The following LRRC4C variants were observed in gnomAD, a reference collection of about 807,000 sequenced individuals.
LRRC4C encodes the protein leucine rich repeat containing 4C.
LRRC4C carries 5 observed loss-of-function variants against 33.6 expected under a neutral mutation model. The ratio of observed to expected loss-of-function variants is 0.15; its 90% confidence interval spans 0.08 to 0.31. The LOEUF (loss-of-function observed/expected upper bound fraction) is 0.31, where lower values mean the gene tolerates loss of function less well. LRRC4C is among the 10% of genes least tolerant of loss of function. The probability of loss-of-function intolerance (pLI) is 1.00; values close to 1 mark genes in which losing one functional copy is unlikely to be tolerated. For missense variants in LRRC4C, 560 were observed against 796.7 expected, an observed-to-expected ratio of 0.70 and a Z score of 3.58; for synonymous variants, 329 against 302.0, an observed-to-expected ratio of 1.09 and a Z score of -0.93.
At chr11:40,353,835 A>G (rs1028782069) in intron 3 of LRRC4C, among the ~76,000 whole-genome samples, 4 of 152,156 alleles carry the variant, frequency 2.6e-5, no homozygotes, top group African/African-American at 7.2e-5. Flanking sequence ...CTGTCATACC[A>G]GGTTAGGTCA....
chr11:40,377,220 C>T (rs531702820), intron 3 of LRRC4C, among the ~76,000 whole-genome samples: 1 of 152,230 alleles, frequency 6.6e-6, no homozygotes, highest in East Asian at 1.9e-4. Context: ...TCTCATGACA[C>T]ACAATGATTA....
chr11:41,015,231 T>C (rs1166088515), intron 1 of LRRC4C, among the ~76,000 whole-genome samples: 24 of 152,220 alleles, frequency 1.6e-4, no homozygotes. Context: ...ATCACACTAT[T>C]ATATTTTACT....
At chr11:40,817,949 CAA>C (rs999394875) in intron 2 of LRRC4C, among the ~76,000 whole-genome samples, 1 of 152,046 alleles carries the variant, frequency 6.6e-6, no homozygotes, top group African/African-American at 2.4e-5. Context: ...GCAATTCACC[CAA>C]GTTAATTATG....
intron 1 of LRRC4C, among the ~76,000 whole-genome samples, chr11:41,176,532 T>C (rs112206230): frequency 7.9e-5 from 12 of 152,280 alleles, no homozygotes; most frequent in East Asian, 3.9e-4. Flanking sequence ...ACATGGTATA[T>C]ATAGCAGTGA....
At chr11:41,228,082 G>T (rs1947622005) in intron 1 of LRRC4C, among the ~76,000 whole-genome samples, 1 of 151,706 alleles carries the variant, frequency 6.6e-6, no homozygotes, top group African/African-American at 2.4e-5. Context: ...AAACTACCAA[G>T]AAATTAGTAG....
At chr11:40,865,511 GTATA>G (rs68153820) in intron 2 of LRRC4C, among the ~76,000 whole-genome samples, 92 of 146,708 alleles carry the variant, frequency 6.3e-4, no homozygotes, top group Non-Finnish European at 5.1e-4. Flanking sequence ...TCCACAGTGT[GTATA>G]TATATATATA....
chr11:40,587,409 T>C (rs1438261948), intron 3 of LRRC4C, among the ~76,000 whole-genome samples: 1 of 148,652 alleles, frequency 6.7e-6, no homozygotes, highest in African/African-American at 2.5e-5. Flanking sequence ...TATACAATCA[T>C]GTCGTCTGCA....
Position 40,254,350 on chromosome 11 carries a change from A to G in LRRC4C, c.-175-12752T>C, listed in dbSNP as rs557659977. On this transcript the variant is annotated intron_variant, in intron 4 of 6. Coordinates refer to ENST00000528697, the MANE Select transcript of LRRC4C (RefSeq NM_001258419.2). ...ATGAGGGAACTCAGGATCTGAATAA[A>G]GCATGGTGATGCCATAGATTGTGGA... 7.9e-5 allele frequency among the ~76,000 whole-genome samples: 12 copies of G among 152,356 alleles called. No individual in the cohort carries two copies. The South Asian group carries it at 2.5e-3, about 32-fold the overall frequency.
chr11:40,792,752 G>A (rs558206532), intron 2 of LRRC4C, among the ~76,000 whole-genome samples: 14 of 152,166 alleles, frequency 9.2e-5, no homozygotes, highest in Admixed American at 5.9e-4. Context: ...GTCCAACAAT[G>A]ATAGACTGGA....
intron 3 of LRRC4C, among the ~76,000 whole-genome samples, chr11:40,606,183 TGGCAAATTCTAGAAGCCTA>T (rs997843328): frequency 2.0e-5 from 3 of 152,180 alleles, no homozygotes; most frequent in African/African-American, 7.2e-5. Context: ...TAATGAAGCT[TGGCAAATTCTAGAAGCCTA>T]GGAGTTAGTG....
At position 40,114,563 on chromosome 11, in the gene LRRC4C, C is replaced by T. The variant is rs745382891; in HGVS notation, c.1730G>A (p.Gly577Glu). Residue 577 changes from glycine to glutamate, a missense_variant, in exon 7 of 7, where the codon GGA (glycine) becomes GAA (glutamate). Gly to Glu is a moderately conservative substitution (Grantham distance 98). This residue lies in a region of LRRC4C where 103 missense variants were observed against 132.1 expected (regional missense o/e 0.78). Coordinates refer to ENST00000528697, the MANE Select transcript of LRRC4C (RefSeq NM_001258419.2). ...CAGGTGGCTTTCCATGGGTGTGTCT[C>T]CCGTAATCTCATCATCCACATTAAT... The part of the protein sequence containing the change: ...EIINVDDEIT[G>E]DTPMESHLPM... 3 of 1,614,068 alleles carry T rather than the reference C, an allele frequency of 1.9e-6. No individual in the cohort carries two copies. The South Asian group carries it at 3.3e-5, about 18-fold the overall frequency.
At chr11:41,352,094 G>A (rs1280793973) in intron 1 of LRRC4C, among the ~76,000 whole-genome samples, 1 of 152,140 alleles carries the variant, frequency 6.6e-6, no homozygotes, top group African/African-American at 2.4e-5. Context: ...GAAGCAAGAT[G>A]TAACGACATG....
intron 3 of LRRC4C, among the ~76,000 whole-genome samples, chr11:40,386,744 C>T (rs561354549): frequency 2.0e-5 from 3 of 152,000 alleles, no homozygotes; most frequent in Non-Finnish European, 2.9e-5. Context: ...TAGGCTCTGT[C>T]GAGTATAAAC....
chr11:40,339,076 C>A (rs1380180905), intron 3 of LRRC4C, among the ~76,000 whole-genome samples: 5 of 152,120 alleles, frequency 3.3e-5, no homozygotes, highest in Non-Finnish European at 7.4e-5. Context: ...ACTTTACAGC[C>A]CAAGTGTGAC....
chr11:40,657,926 GA>G lies in LRRC4C; in HGVS notation c.-406-9649del, dbSNP rs538491923. Among the ~76,000 whole-genome samples, 224 of 152,222 alleles carry G rather than the reference GA, an allele frequency of 1.5e-3. 3 individuals carry two copies. The highest frequency in any genetic ancestry group is 3.4e-3 in the Middle Eastern group (1 of 294). The stretch of plus-strand genomic sequence containing the variant: ...TATATCTATAATATCAATATAATTG[GA>G]TTAAGGGCAAAGAACAAGGGCAAGA... On this transcript the variant is annotated intron_variant, in intron 2 of 6. Transcript: ENST00000528697.
chr11:40,503,972 T>C (rs963107156), intron 3 of LRRC4C, among the ~76,000 whole-genome samples: 3 of 152,086 alleles, frequency 2.0e-5, no homozygotes, highest in African/African-American at 4.8e-5. Flanking sequence ...CCATGGCGTT[T>C]TGAAGAGAAA....
chr11:40,917,155 A>G (rs1268299579), intron 2 of LRRC4C, among the ~76,000 whole-genome samples: 1 of 152,158 alleles, frequency 6.6e-6, no homozygotes, highest in Non-Finnish European at 1.5e-5. Flanking sequence ...TAAATTCAAC[A>G]GGAGGTTAAA....
chr11:41,141,388 C>G (rs1943498878), intron 1 of LRRC4C, among the ~76,000 whole-genome samples: 1 of 152,066 alleles, frequency 6.6e-6, no homozygotes, highest in Non-Finnish European at 1.5e-5. Flanking sequence ...AAAAAAAGAT[C>G]CAACTGCTCA....
At chr11:40,256,514 G>T (rs1326976900) in intron 4 of LRRC4C, among the ~76,000 whole-genome samples, 1 of 151,990 alleles carries the variant, frequency 6.6e-6, no homozygotes, top group Non-Finnish European at 1.5e-5. Flanking sequence ...ATGTAACTGT[G>T]CCCAGAAAAG....
Sources: gnomAD v4.1 joint callset for allele counts (sites outside exome capture counted in the v4.1 genomes callset) on GRCh38, gnomAD v4.1.1 for gene constraint, gnomAD v4.1.1 regional missense constraint, MANE v1.5 for transcripts, NCBI Gene and HGNC (gene_info 2026-07-23, HGNC 2026-07-21) for gene names.